COL24A1: variants seen among roughly 807,000 people sequenced by gnomAD.
COL24A1 encodes collagen alpha-1(XXIV) chain.
A neutral mutation model predicts 253.9 loss-of-function variants in COL24A1; 224 were observed. That is an observed-to-expected ratio of 0.88 (90% CI 0.79 to 0.99). COL24A1 has a LOEUF of 0.99. COL24A1 is among the 50% of genes least tolerant of loss of function. The pLI, the probability that COL24A1 is intolerant of heterozygous loss-of-function variation, is 0.00. For synonymous variants in COL24A1, 685 were observed against 673.7 expected, an observed-to-expected ratio of 1.02 and a Z score of -0.26; for missense variants, 2,131 against 2,068.5, an observed-to-expected ratio of 1.03 and a Z score of -0.59.
intron 45 of COL24A1, among the ~76,000 whole-genome samples, chr1:85,822,259 A>G (rs1282122371): frequency 6.6e-6 from 1 of 152,204 alleles, no homozygotes; most frequent in African/African-American, 2.4e-5. Flanking sequence ...CCATTTTATT[A>G]CTTACTCCCA....
At position 85,823,851 on chromosome 1, in the gene COL24A1, C is replaced by T. The variant is rs549855047; in HGVS notation, c.3682-113G>A. On this transcript the variant is annotated intron_variant, in intron 43 of 59. Transcript: ENST00000370571. The stretch of plus-strand genomic sequence containing the variant: ...GTGTTGCAAAGCTCAACTTAAATGT[C>T]GTAGAGATTATGATTCTTCTTGGAA... 1.5e-4 allele frequency: 134 copies of T among 896,816 alleles called. No homozygotes were observed. The Middle Eastern group carries it at 2.8e-3, about 19-fold the overall frequency. The allele number at this position is 896,816 out of a possible 1,614,324, so 55.6% of individuals were successfully genotyped here.
chr1:86,110,693 G>A (rs1285860801), intron 5 of COL24A1, among the ~76,000 whole-genome samples: 3 of 152,144 alleles, frequency 2.0e-5, no homozygotes, highest in Admixed American at 6.5e-5. Flanking sequence ...CAGGCCAGCA[G>A]CTACAGAGGG....
chr1:86,048,357 G>A (rs569353539), intron 11 of COL24A1, among the ~76,000 whole-genome samples: 10 of 152,128 alleles, frequency 6.6e-5, no homozygotes, highest in East Asian at 3.9e-4. Flanking sequence ...ATTTTATAAC[G>A]TAACACCCTT....
chr1:86,109,561 T>C (rs1705334000), intron 5 of COL24A1, among the ~76,000 whole-genome samples: 1 of 152,048 alleles, frequency 6.6e-6, no homozygotes, highest in African/African-American at 2.4e-5. Flanking sequence ...ATTGAAAGAG[T>C]TAAGACTTGA....
intron 21 of COL24A1, among the ~76,000 whole-genome samples, chr1:85,970,759 G>A (rs901378852): frequency 5.3e-5 from 8 of 152,100 alleles, no homozygotes; most frequent in Non-Finnish European, 1.2e-4. Flanking sequence ...AAAATATTAA[G>A]TAGTCACAAA....
rs372408586 is a variant in COL24A1, at chr1:85,907,234, G to A, written c.2738C>T (p.Ala913Val). 4.3e-6 allele frequency: 7 copies of A among 1,610,828 alleles called. No homozygotes were observed. The highest frequency in any genetic ancestry group is 5.9e-6 in the Non-Finnish European group (7 of 1,177,856). The part of the protein sequence containing the change: ...GPLGLPGHVG[A>V]RGPPGSQGPK... ...ACCTTGACTCCCAGGTGGTCCTCTT[G>A]CCCCCACATGACCCTATATGTTGTA... The change falls in exon 28 of 60, where the codon GCA becomes GTA. Residue 913 changes from alanine to valine, a missense_variant. By Grantham distance (64) the Ala-to-Val change is moderately conservative. Coordinates refer to ENST00000370571, the MANE Select transcript of COL24A1 (RefSeq NM_152890.7).
rs141105476 is a variant in COL24A1 at position 86,075,783 on chromosome 1, T to C, written c.1708-12024A>G. Among the ~76,000 whole-genome samples, 375 of 152,048 alleles carry C rather than the reference T, an allele frequency of 2.5e-3. 10 individuals carry two copies. The East Asian group carries it at 0.046, about 19-fold the overall frequency. ...TAATCCATCACATAAACAGAACCAA[T>C]GACAAAAACCACATGATTATCTCAA... On this transcript the variant is annotated intron_variant, in intron 7 of 59. Transcript: ENST00000370571.
At chr1:85,958,351 T>C (rs1391804984) in intron 24 of COL24A1, among the ~76,000 whole-genome samples, 2 of 152,248 alleles carry the variant, frequency 1.3e-5, no homozygotes, top group East Asian at 3.9e-4. Context: ...ATTGGCACCC[T>C]TGTCATAGTC....
Position 85,889,624 on chromosome 1 carries a change from A to G in COL24A1, c.2923-11T>C, listed in dbSNP as rs745597082. The G allele has an allele frequency of 1.1e-5, 18 of 1,612,224 alleles. No homozygotes were observed. The highest frequency in any genetic ancestry group is 3.4e-6 in the Non-Finnish European group (4 of 1,178,622). ...CAATCCCTGTAAACCCTGGACAAATAAAGGCAATACTTGTAGGAAAAGTGG... is the reference window on the plus strand; with the variant it reads ...CAATCCCTGTAAACCCTGGACAAATGAAGGCAATACTTGTAGGAAAAGTGG... On this transcript the variant is annotated splice_polypyrimidine_tract_variant and intron_variant, in intron 31 of 59. Transcript: ENST00000370571.
chr1:85,838,171 G>A (rs925647792), intron 43 of COL24A1, among the ~76,000 whole-genome samples: 1 of 126,326 alleles, frequency 7.9e-6, no homozygotes, highest in East Asian at 2.0e-4. Flanking sequence ...TGATGAAAAT[G>A]AGAGACAAGA....
At chr1:85,839,558 TA>T (rs201910727) in intron 42 of COL24A1, among the ~76,000 whole-genome samples, 2 of 151,300 alleles carry the variant, frequency 1.3e-5, no homozygotes, top group African/African-American at 2.4e-5. Context: ...ACCCTGTCTC[TA>T]AAAAAAATTA....
chr1:86,155,126 G>A (rs1010516852), intron 1 of COL24A1: 1 of 152,358 alleles, frequency 6.6e-6, no homozygotes, highest in Admixed American at 6.5e-5. Context: ...CGGGGTTGAG[G>A]AGATTGGGAG....
chr1:85,954,057 G>T (rs969943714), intron 24 of COL24A1, among the ~76,000 whole-genome samples: 1 of 152,044 alleles, frequency 6.6e-6, no homozygotes, highest in African/African-American at 2.4e-5. Context: ...TTATTTTGAA[G>T]AAGTAATTTA....
chr1:85,881,641 T>A (rs1050260014), intron 32 of COL24A1, among the ~76,000 whole-genome samples: 33 of 151,964 alleles, frequency 2.2e-4, no homozygotes, highest in Non-Finnish European at 3.1e-4. Flanking sequence ...GAAAAAAAAA[T>A]TTGTGAAAAT....
intron 24 of COL24A1, among the ~76,000 whole-genome samples, chr1:85,942,105 T>C (rs146683777): frequency 6.6e-6 from 1 of 152,190 alleles, no homozygotes; most frequent in African/African-American, 2.4e-5. Flanking sequence ...GGGAAAAAGA[T>C]GTTTTCAAGA....
intron 19 of COL24A1, among the ~76,000 whole-genome samples, chr1:86,011,523 T>C (rs555552055): frequency 6.6e-6 from 1 of 152,308 alleles, no homozygotes; most frequent in East Asian, 1.9e-4. Flanking sequence ...CTTGGTACTA[T>C]AAAACTTGTG....
rs1484626857 is a variant in COL24A1 at position 85,784,146 on chromosome 1, A to G, written c.4188T>C (p.Gly1396=). 3.1e-6 allele frequency: 5 copies of G among 1,613,776 alleles called. No homozygotes were observed. The Admixed American group carries it at 8.3e-5, about 27-fold the overall frequency. ...CTGGGAATCCTTGGAAACCTGTCAA[A>G]CCTTGAACACCATATTCTCCCTGCA... The part of the protein sequence containing the change: ...KGQPGEYGVQ[G]LTGFQGFPGP... The change falls in exon 50 of 60, where the codon GGT becomes GGC. Residue 1396 remains glycine, a synonymous_variant. Transcript: ENST00000370571.
chr1:86,061,750 T>C (rs1010189233), intron 8 of COL24A1, among the ~76,000 whole-genome samples: 3 of 151,962 alleles, frequency 2.0e-5, no homozygotes, highest in Non-Finnish European at 4.4e-5. Flanking sequence ...AAAACAAATA[T>C]CATGACTTAA....
chr1:86,044,874 G>A (rs1453917465), intron 12 of COL24A1, among the ~76,000 whole-genome samples: 2 of 152,186 alleles, frequency 1.3e-5, no homozygotes, highest in Non-Finnish European at 2.9e-5. Context: ...GGTTATCTAA[G>A]TGATATATAA....
Sources: allele counts gnomAD v4.1 joint callset (sites outside exome capture counted in the v4.1 genomes callset), GRCh38; gene constraint gnomAD v4.1.1; transcripts MANE v1.5; gene names NCBI Gene and HGNC (gene_info 2026-07-23, HGNC 2026-07-21).